Variants in CACNA1D observed in about 807,000 individuals in gnomAD.
CACNA1D encodes voltage-dependent L-type calcium channel subunit alpha-1D.
Under a neutral mutation model 257.1 loss-of-function variants are expected in CACNA1D, and 55 were observed. The ratio of observed to expected loss-of-function variants is 0.21; its 90% confidence interval spans 0.17 to 0.27. The LOEUF is 0.27. CACNA1D is among the 10% of genes least tolerant of loss of function. The pLI is 1.00. For synonymous variants in CACNA1D, 980 were observed against 1,014.9 expected (o/e 0.97, Z 0.65); for missense variants, 1,876 against 2,784.0 (o/e 0.67, Z 7.34).
intron 3 of CACNA1D, among the ~76,000 whole-genome samples, chr3:53,569,913 A>G (rs1418235326): frequency 1.3e-5 from 2 of 152,210 alleles, no homozygotes; most frequent in Non-Finnish European, 2.9e-5. Flanking sequence ...GGCTCTTGGG[A>G]GAAATTACAT....
intron 3 of CACNA1D, among the ~76,000 whole-genome samples, chr3:53,595,265 C>G (rs1344269657): frequency 6.6e-6 from 1 of 152,168 alleles, no homozygotes; most frequent in African/African-American, 2.4e-5. Flanking sequence ...CCCTGTTTCC[C>G]ACTGGAGAAT....
intron 3 of CACNA1D, among the ~76,000 whole-genome samples, chr3:53,528,654 T>G (rs968507218): frequency 6.6e-6 from 1 of 152,270 alleles, no homozygotes; most frequent in African/African-American, 2.4e-5. Context: ...TTGAGTCTTC[T>G]AATCACTGAG....
chr3:53,637,543 C>A (rs547113057), intron 3 of CACNA1D, among the ~76,000 whole-genome samples: 1 of 152,226 alleles, frequency 6.6e-6, no homozygotes, highest in East Asian at 1.9e-4. Flanking sequence ...TCAATATAAT[C>A]CCCTAGTAAC....
At chr3:53,716,900 C>A (rs985251874) in intron 9 of CACNA1D, among the ~76,000 whole-genome samples, 3 of 152,214 alleles carry the variant, frequency 2.0e-5, no homozygotes, top group African/African-American at 7.2e-5. Flanking sequence ...CCACCTCTAT[C>A]CCTGCTGTTA....
chr3:53,744,334 G>A (rs1289648388), intron 22 of CACNA1D, among the ~76,000 whole-genome samples: 2 of 152,036 alleles, frequency 1.3e-5, no homozygotes, highest in African/African-American at 4.8e-5. Context: ...CCACCAGACT[G>A]TGAGCTCCTT....
At chr3:53,509,373 C>T (rs1221361142) in intron 3 of CACNA1D, among the ~76,000 whole-genome samples, 6 of 152,114 alleles carry the variant, frequency 3.9e-5, no homozygotes, top group Admixed American at 6.5e-5. Flanking sequence ...ATTGTTGACA[C>T]AGGCCTTGCA....
At chr3:53,768,980 GA>G (rs2095350839) in intron 30 of CACNA1D, among the ~76,000 whole-genome samples, 2 of 152,222 alleles carry the variant, frequency 1.3e-5, no homozygotes, top group African/African-American at 4.8e-5. Context: ...TGACACCACT[GA>G]GGGGAAAAGA....
intron 8 of CACNA1D, among the ~76,000 whole-genome samples, chr3:53,674,469 A>T (rs981796351): frequency 6.6e-6 from 1 of 152,218 alleles, no homozygotes; most frequent in Non-Finnish European, 1.5e-5. Flanking sequence ...CCATGGCCTT[A>T]CAGAGACCCC....
At chr3:53,782,264 G>GTATATATATATATA (rs1553680730) in intron 39 of CACNA1D, 1,867 of 75,312 alleles carry the variant, frequency 0.025, 51 homozygotes, top group South Asian at 0.037. Context: ...GTGTGTGTGT[G>GTATATATATATATA]TATATATATA....
rs2090608062 is a variant in CACNA1D, at chr3:53,501,608, T to A, written c.378-7T>A. On this transcript the variant is annotated splice_polypyrimidine_tract_variant and splice_region_variant and intron_variant, in intron 2 of 47. Coordinates refer to ENST00000350061, the MANE Select transcript of CACNA1D (RefSeq NM_001128840.3). ...TAACACATATATACCTTAACACATT[T>A]TTTCAGACCATTTGACATATTTATA... The A allele has an allele frequency of 2.0e-6, 3 of 1,472,500 alleles. No individual in the cohort carries two copies. Among genetic ancestry groups the A allele is most frequent in the Non-Finnish European group, 2.8e-6 (3 of 1,052,896 alleles). The allele number at this position is 1,472,500 out of a possible 1,614,324, so 91.2% of individuals were successfully genotyped here. A position where few individuals can be genotyped will look rare whatever the true frequency, so the allele number is the denominator to read the frequency against.
At chr3:53,722,515 A>G in intron 12 of CACNA1D, 41 bp downstream of exon 12, 1 of 1,601,194 alleles carries the variant, frequency 6.2e-7, no homozygotes, top group Non-Finnish European at 8.6e-7. Context: ...TGAACTAGAG[A>G]TTTCTGTGGC....
intron 30 of CACNA1D, among the ~76,000 whole-genome samples, chr3:53,766,546 G>T (rs2095333446): frequency 6.6e-6 from 1 of 152,256 alleles, no homozygotes; most frequent in Admixed American, 6.5e-5. Flanking sequence ...GAAATGGACT[G>T]ATTTCATTGA....
chr3:53,536,960 TTTTC>T, intron 3 of CACNA1D, among the ~76,000 whole-genome samples: 1 of 152,382 alleles, frequency 6.6e-6, no homozygotes, highest in Middle Eastern at 3.4e-3. Context: ...TTTCGGTTAT[TTTTC>T]TTTCTACTTT....
intron 40 of CACNA1D, chr3:53,791,234 G>C (rs146133669): frequency 3.3e-5 from 19 of 568,856 alleles, no homozygotes; most frequent in Non-Finnish European, 5.9e-5. Context: ...GCCTGTCGCG[G>C]ACGTTGCTCA....
At chr3:53,636,324 G>A (rs1230316948) in intron 3 of CACNA1D, among the ~76,000 whole-genome samples, 1 of 152,118 alleles carries the variant, frequency 6.6e-6, no homozygotes, top group Admixed American at 6.5e-5. Context: ...TGTTTTTTGA[G>A]ATGGAGTCTT....
chr3:53,803,186 A>G (rs1389996294), intron 43 of CACNA1D, among the ~76,000 whole-genome samples: 3 of 152,266 alleles, frequency 2.0e-5, no homozygotes, highest in East Asian at 1.9e-4. Flanking sequence ...TTTGACACCA[A>G]CATTGTGCAG....
At chr3:53,609,073 A>G (rs1482222846) in intron 3 of CACNA1D, among the ~76,000 whole-genome samples, 1 of 152,198 alleles carries the variant, frequency 6.6e-6, no homozygotes, top group Non-Finnish European at 1.5e-5. Flanking sequence ...TACCAGTGAA[A>G]TGGAGTCTGG....
At position 53,745,616 on chromosome 3, in the gene CACNA1D, C is replaced by G. The variant is rs200464228; in HGVS notation, c.3007-8C>G. On this transcript the variant is annotated splice_region_variant and splice_polypyrimidine_tract_variant and intron_variant, in intron 23 of 47. Coordinates refer to ENST00000350061, the MANE Select transcript of CACNA1D (RefSeq NM_001128840.3). The stretch of plus-strand genomic sequence containing the variant: ...AAGAAGAGTCACGCCCCTCTGCCCT[C>G]TCCGCAGCACGTGGTCCAGTGCGTC... 16 of 1,597,600 alleles carry G rather than the reference C, an allele frequency of 1.0e-5. No homozygotes were observed. The highest frequency in any genetic ancestry group is 1.3e-5 in the African/African-American group (1 of 74,680).
At chr3:53,721,219 AC>A (rs2094879695) in intron 11 of CACNA1D, among the ~76,000 whole-genome samples, 1 of 152,128 alleles carries the variant, frequency 6.6e-6, no homozygotes, top group African/African-American at 2.4e-5. Flanking sequence ...AATAAAATAC[AC>A]CTTACTTGAT....
Sources: allele counts gnomAD v4.1 joint callset (sites outside exome capture counted in the v4.1 genomes callset), GRCh38; gene constraint gnomAD v4.1.1; transcripts MANE v1.5; gene names NCBI Gene and HGNC (gene_info 2026-07-23, HGNC 2026-07-21).